The following FTO variants were observed in gnomAD, a reference collection of about 807,000 sequenced individuals.
FTO encodes the protein alpha-ketoglutarate-dependent dioxygenase FTO.
FTO carries 47 observed loss-of-function variants against 63.9 expected under a neutral mutation model. The ratio of observed to expected loss-of-function variants is 0.74; its 90% CI spans 0.58 to 0.94. The LOEUF is 0.94. Among genes scored for constraint, FTO ranks in the 40% least tolerant of loss-of-function variants. The pLI is 0.00. For synonymous variants in FTO, 207 were observed against 224.4 expected (o/e 0.92, Z 0.69); for missense variants, 562 against 618.1 (o/e 0.91, Z 0.96).
At chr16:54,004,068 A>C (rs1283943823) in intron 8 of FTO, among the ~76,000 whole-genome samples, 2 of 152,218 alleles carry the variant, frequency 1.3e-5, no homozygotes, top group Non-Finnish European at 2.9e-5. Flanking sequence ...GTTTTTGTTG[A>C]AACACAAAAG....
chr16:54,025,366 C>T (rs1261824407), intron 8 of FTO, among the ~76,000 whole-genome samples: 1 of 152,202 alleles, frequency 6.6e-6, no homozygotes, highest in Non-Finnish European at 1.5e-5. Context: ...TGATTGTAGA[C>T]ACCTTGAAGT....
intron 8 of FTO, among the ~76,000 whole-genome samples, chr16:54,074,942 G>GTGTATA (rs139353952): frequency 4.7e-5 from 7 of 148,592 alleles, no homozygotes; most frequent in African/African-American, 1.5e-4. Flanking sequence ...GTGTGTGTGT[G>GTGTATA]TGTGTGTGTG....
At chr16:53,941,977 G>C (rs984362845) in intron 8 of FTO, among the ~76,000 whole-genome samples, 2 of 152,238 alleles carry the variant, frequency 1.3e-5, no homozygotes, top group African/African-American at 4.8e-5. Context: ...AAGAATGCCT[G>C]ACACTCAGAT....
At chr16:54,031,000 A>T (rs549655367) in intron 8 of FTO, among the ~76,000 whole-genome samples, 1 of 152,328 alleles carries the variant, frequency 6.6e-6, no homozygotes, top group East Asian at 1.9e-4. Context: ...TTCAATGCAA[A>T]GGAGAAATCT....
intron 1 of FTO, among the ~76,000 whole-genome samples, chr16:53,801,783 A>G (rs2078235232): frequency 6.6e-6 from 1 of 151,120 alleles, no homozygotes; most frequent in African/African-American, 2.4e-5. Flanking sequence ...TTTTTGAAAC[A>G]GAGTCTGACT....
At chr16:53,899,764 G>T (rs1242734318) in intron 7 of FTO, among the ~76,000 whole-genome samples, 2 of 152,106 alleles carry the variant, frequency 1.3e-5, no homozygotes, top group African/African-American at 4.8e-5. Context: ...CGGGAATAGG[G>T]GAATACAAAC....
Position 54,008,184 on chromosome 16 carries a change from T to G in FTO, c.1364+74075T>G, listed in dbSNP as rs775796436. 2.0e-4 allele frequency among the ~76,000 whole-genome samples: 31 copies of G among 152,224 alleles called. 1 individual carries two copies. The highest frequency in any genetic ancestry group is 1.7e-4 in the African/African-American group (7 of 41,472). On this transcript the variant is annotated intron_variant, in intron 8 of 8. Transcript: ENST00000471389. ...CCATTACCTTTGATACGTCTAGACCTGATCCAGTGAGTATTTGAGGGCCAA... is the reference window on the plus strand; with the variant it reads ...CCATTACCTTTGATACGTCTAGACCGGATCCAGTGAGTATTTGAGGGCCAA...
intron 8 of FTO, among the ~76,000 whole-genome samples, chr16:54,081,826 A>T (rs1274120994): frequency 6.6e-6 from 1 of 152,198 alleles, no homozygotes; most frequent in Non-Finnish European, 1.5e-5. Context: ...CTGATGATTA[A>T]ATCTGGATGA....
intron 1 of FTO, among the ~76,000 whole-genome samples, chr16:53,805,915 T>A (rs150894692): frequency 1.3e-5 from 2 of 152,314 alleles, no homozygotes; most frequent in Admixed American, 1.3e-4. Flanking sequence ...AGCAGCTTGA[T>A]GTATTTGACA....
chr16:53,766,493 G>A (rs1202293910), intron 1 of FTO, among the ~76,000 whole-genome samples: 2 of 152,152 alleles, frequency 1.3e-5, no homozygotes, highest in Non-Finnish European at 2.9e-5. Context: ...AAAGTGCTGG[G>A]ATTACAGGTG....
At chr16:53,954,649 G>A (rs7199382) in intron 8 of FTO, among the ~76,000 whole-genome samples, 5,072 of 152,136 alleles carry the variant, frequency 0.033, 300 homozygotes, top group African/African-American at 0.11. Flanking sequence ...GAAATCTTCA[G>A]AACTTTAGAA....
intron 8 of FTO, among the ~76,000 whole-genome samples, chr16:54,096,359 C>A (rs1320470764): frequency 6.6e-6 from 1 of 152,178 alleles, no homozygotes; most frequent in Non-Finnish European, 1.5e-5. Context: ...AGTTCAGGGG[C>A]TTGTTAACAT....
At chr16:54,111,422 C>G (rs1397879630) in intron 8 of FTO, among the ~76,000 whole-genome samples, 1 of 152,150 alleles carries the variant, frequency 6.6e-6, no homozygotes, top group East Asian at 1.9e-4. Context: ...CTGATAATGG[C>G]TTAATCACAC....
intron 8 of FTO, among the ~76,000 whole-genome samples, chr16:54,089,188 A>G (rs2086320988): frequency 1.3e-5 from 2 of 152,204 alleles, no homozygotes; most frequent in South Asian, 4.1e-4. Flanking sequence ...GATCTTATGC[A>G]TTTGCACAAG....
intron 8 of FTO, among the ~76,000 whole-genome samples, chr16:54,105,273 A>T (rs2086725541): frequency 2.0e-5 from 3 of 152,256 alleles, no homozygotes. Context: ...CAGTCATCTG[A>T]CATAATAATA....
intron 8 of FTO, among the ~76,000 whole-genome samples, chr16:54,077,115 A>G (rs554033142): frequency 2.0e-5 from 3 of 152,360 alleles, no homozygotes; most frequent in South Asian, 4.1e-4. Flanking sequence ...AATCTTAAAA[A>G]TCATGGATTG....
intron 7 of FTO, among the ~76,000 whole-genome samples, chr16:53,923,439 G>A (rs965102957): frequency 6.6e-6 from 1 of 152,176 alleles, no homozygotes; most frequent in Non-Finnish European, 1.5e-5. Context: ...ATTACTTGAT[G>A]CTTTCTCTGT....
intron 4 of FTO, among the ~76,000 whole-genome samples, chr16:53,853,986 A>G (rs1209455414): frequency 6.6e-6 from 1 of 151,922 alleles, no homozygotes; most frequent in Non-Finnish European, 1.5e-5. Context: ...AACATCTATT[A>G]TTTTTTGACT....
intron 8 of FTO, among the ~76,000 whole-genome samples, chr16:53,990,022 TA>T (rs1599155155): frequency 2.0e-5 from 3 of 149,662 alleles, no homozygotes; most frequent in Non-Finnish European, 4.4e-5. Context: ...TGTGTACATA[TA>T]AAAAATATAT....
Sources: allele counts gnomAD v4.1 joint callset (sites outside exome capture counted in the v4.1 genomes callset), GRCh38; gene constraint gnomAD v4.1.1; transcripts MANE v1.5; gene names NCBI Gene and HGNC (gene_info 2026-07-23, HGNC 2026-07-21).